ZBTB16: variants seen among roughly 807,000 people sequenced by gnomAD.
ZBTB16 encodes zinc finger and BTB domain-containing protein 16.
In ZBTB16, 8 loss-of-function variants were observed where a neutral mutation model predicts 56.8. That is an observed-to-expected ratio of 0.14 (90% CI 0.08 to 0.25). The LOEUF (loss-of-function observed/expected upper bound fraction) is 0.25, where lower values mean the gene tolerates loss of function less well. Among genes scored for constraint, ZBTB16 ranks in the 10% least tolerant of loss-of-function variants. ZBTB16 has a pLI of 1.00. For synonymous variants in ZBTB16, 363 were observed against 368.5 expected (o/e 0.98, Z 0.17); for missense variants, 625 against 903.0 (o/e 0.69, Z 3.95).
In ZBTB16 at chr11:114,064,782, G is replaced by T. The variant is rs1279026647; in HGVS notation, c.1268+214G>T. Among the ~76,000 whole-genome samples, 1 of 152,146 alleles carries T rather than the reference G, an allele frequency of 6.6e-6. No individual in the cohort carries two copies. Among genetic ancestry groups the T allele is most frequent in the Non-Finnish European group, 1.5e-5 (1 of 68,028 alleles). On this transcript the variant is annotated intron_variant, in intron 2 of 6. Transcript: ENST00000335953. This position sits in a 1 kb window ranked among gnomAD's most constrained non-coding sequence, Gnocchi z 4.2. ...TAGGATCTTTCCAAAAAGCACCAGG[G>T]GACACTCATGGGCGCAGCTTCTTAA... is the stretch of plus-strand genomic sequence containing the variant.
At chr11:114,186,452 A>T (rs1037055503) in intron 3 of ZBTB16, among the ~76,000 whole-genome samples, 1 of 152,166 alleles carries the variant, frequency 6.6e-6, no homozygotes, top group African/African-American at 2.4e-5. Context: ...CAGGGGTTTT[A>T]AATGGTCAGA....
chr11:114,148,838 A>G (rs1165001275), intron 2 of ZBTB16, among the ~76,000 whole-genome samples: 1 of 149,228 alleles, frequency 6.7e-6, no homozygotes, highest in East Asian at 2.0e-4. Flanking sequence ...TCTCTTTTGG[A>G]CAGTAGGGGC....
chr11:114,105,954 A>T (rs1940773578), intron 2 of ZBTB16, among the ~76,000 whole-genome samples: 2 of 152,194 alleles, frequency 1.3e-5, no homozygotes, highest in Non-Finnish European at 2.9e-5. Context: ...TGTATAAAAG[A>T]TTGTCCATTT....
chr11:114,232,672 GCCCTTCTCC>G (rs1944464333), intron 4 of ZBTB16, among the ~76,000 whole-genome samples: 1 of 107,850 alleles, frequency 9.3e-6, no homozygotes, highest in East Asian at 2.8e-4. Context: ...ACTGCAAGCT[GCCCTTCTCC>G]TCTCTGGGTT....
intron 4 of ZBTB16, 156 bp downstream of exon 4, chr11:114,187,194 A>C: frequency 2.7e-6 from 2 of 742,262 alleles, no homozygotes; most frequent in Non-Finnish European, 2.4e-6. Context: ...ACGTTCAGCT[A>C]CTCTTGTCTG....
intron 2 of ZBTB16, among the ~76,000 whole-genome samples, chr11:114,083,117 G>T (rs1017067013): frequency 6.6e-6 from 1 of 152,188 alleles, no homozygotes; most frequent in African/African-American, 2.4e-5. Flanking sequence ...CTGGTTCCAC[G>T]GATGCCTTTT....
At chr11:114,242,079 T>TC in intron 4 of ZBTB16, 88 bp from the exon 5 acceptor site, 1 of 1,542,764 alleles carries the variant, frequency 6.5e-7, no homozygotes, top group Non-Finnish European at 8.9e-7. Flanking sequence ...GAGGTGTGAG[T>TC]CCCGACACTG....
intron 2 of ZBTB16, among the ~76,000 whole-genome samples, chr11:114,103,454 CGTT>C (rs1940684402): frequency 6.6e-6 from 1 of 152,092 alleles, no homozygotes; most frequent in African/African-American, 2.4e-5. Context: ...AAGTTTTGGT[CGTT>C]GTTTTCTTAA....
At chr11:114,246,466 C>T (rs886193963) in intron 5 of ZBTB16, among the ~76,000 whole-genome samples, 5 of 152,164 alleles carry the variant, frequency 3.3e-5, no homozygotes, top group Admixed American at 2.6e-4. Context: ...GATGCGATCA[C>T]ATCACACATC....
intron 4 of ZBTB16, among the ~76,000 whole-genome samples, chr11:114,196,151 A>G (rs1320020503): frequency 1.3e-5 from 2 of 152,216 alleles, no homozygotes; most frequent in East Asian, 3.9e-4. Context: ...AACCCAGGCC[A>G]GACAGGCCGC....
chr11:114,096,730 A>G (rs2137742330), intron 2 of ZBTB16, among the ~76,000 whole-genome samples: 1 of 152,228 alleles, frequency 6.6e-6, no homozygotes, highest in East Asian at 1.9e-4. Flanking sequence ...GCAGCCCAGC[A>G]TTTTACGGGC....
intron 3 of ZBTB16, among the ~76,000 whole-genome samples, chr11:114,178,398 C>T (rs1454827692): frequency 6.6e-6 from 1 of 152,228 alleles, no homozygotes; most frequent in Non-Finnish European, 1.5e-5. Flanking sequence ...AGGTAAGAAA[C>T]AGGCCCAGAA....
chr11:114,064,483 A>G lies in ZBTB16; in HGVS notation c.1183A>G (p.Met395Val), dbSNP rs149262112. Residue 395 changes from methionine (M) to valine (V), a missense_variant, in exon 2 of 7, where the codon ATG (methionine) becomes GTG (valine). Transcript: ENST00000335953. This position sits in a 1 kb window ranked among gnomAD's most constrained non-coding sequence, Gnocchi z 4.2. ...FSKLGELAVG[M>V]KSESRTIGEQ... is the part of the protein sequence containing the mutation. ...CAAGCTGGGGGAGCTGGCTGTGGGC[A>G]TGAAGTCAGAGAGCCGGACCATCGG... The G allele has an allele frequency of 4.8e-5, 78 of 1,614,126 alleles. No homozygotes were observed. The highest frequency in any genetic ancestry group is 1.8e-4 in the Admixed American group (11 of 60,030).
rs541137384 is a variant in ZBTB16, at chr11:114,093,374, G to A, written c.1268+28806G>A. Among the ~76,000 whole-genome samples, 5 of 152,196 alleles carry A rather than the reference G, an allele frequency of 3.3e-5. No individual in the cohort carries two copies. The East Asian group carries it at 9.7e-4, about 29-fold the overall frequency. ...GTTGCTGTTTCCCTGCTACAGAAAGGCCAGGCTTCCTTTTCAGCCTTTTGT... is the reference window on the plus strand; with the variant it reads ...GTTGCTGTTTCCCTGCTACAGAAAGACCAGGCTTCCTTTTCAGCCTTTTGT... On this transcript the variant is annotated intron_variant, in intron 2 of 6. Transcript: ENST00000335953.
intron 4 of ZBTB16, among the ~76,000 whole-genome samples, chr11:114,191,728 A>G (rs144981076): frequency 6.6e-6 from 1 of 152,340 alleles, no homozygotes; most frequent in African/African-American, 2.4e-5. Context: ...CATTTCTCAG[A>G]ACATATCCTT....
intron 4 of ZBTB16, among the ~76,000 whole-genome samples, chr11:114,204,026 G>A (rs1943795387): frequency 2.6e-5 from 4 of 152,292 alleles, no homozygotes; most frequent in South Asian, 4.1e-4. Context: ...CTTGTCAAAA[G>A]CAAGACACGG....
intron 3 of ZBTB16, among the ~76,000 whole-genome samples, chr11:114,170,679 CT>C (rs1279437770): frequency 2.0e-5 from 3 of 151,584 alleles, no homozygotes; most frequent in African/African-American, 4.9e-5. Context: ...GATAAAAAGT[CT>C]TCTGGGGTAG....
intron 4 of ZBTB16, among the ~76,000 whole-genome samples, chr11:114,210,192 T>TGTGTGTGTGTGTGTGCGC (rs773801156): frequency 3.5e-5 from 5 of 143,238 alleles, no homozygotes; most frequent in African/African-American, 1.3e-4. Context: ...TGTGTGTGTG[T>TGTGTGTGTGTGTGTGCGC]GCGTGCGCGC....
chr11:114,124,570 A>AAAAAAAAACAAAAAAAAAAACC (rs1565638154), intron 2 of ZBTB16, among the ~76,000 whole-genome samples: 1 of 146,580 alleles, frequency 6.8e-6, no homozygotes. Context: ...AAAAAAAAAA[A>AAAAAAAAACAAAAAAAAAAACC]AACAAAAACA....
Sources: allele counts gnomAD v4.1 joint callset (sites outside exome capture counted in the v4.1 genomes callset), GRCh38; gene constraint gnomAD v4.1.1; non-coding constraint Gnocchi (gnomAD v3.1); transcripts MANE v1.5; gene names NCBI Gene and HGNC (gene_info 2026-07-23, HGNC 2026-07-21).